Variants in ZNF528 observed in about 807,000 individuals in gnomAD.
The protein encoded by ZNF528 is zinc finger protein 528.
ZNF528 carries 9 observed loss-of-function variants against 13.3 expected under a neutral mutation model. The ratio of observed to expected loss-of-function variants is 0.67; its 90% CI spans 0.41 to 1.18. The LOEUF (loss-of-function observed/expected upper bound fraction) is 1.18. Ranked by LOEUF, ZNF528 falls within the 50% of genes most tolerant of loss-of-function variation. The pLI is 0.01. For missense variants in ZNF528, 858 were observed against 745.4 expected (o/e 1.15, Z -1.76); for synonymous variants, 264 against 254.3 (o/e 1.04, Z -0.36).
chr19:52,416,940 A>T lies in ZNF528; in HGVS notation c.*201A>T. ...ATGAATTGTGTGTACTTGGGCTATT[A>T]TTCAAGGACCATTGCTATAGAACAC... On this transcript the variant is annotated 3_prime_UTR_variant, in exon 7 of 7. Transcript: ENST00000360465. 3.5e-6 allele frequency: 2 copies of T among 566,092 alleles called. No homozygotes were observed. Among genetic ancestry groups the T allele is most frequent in the South Asian group, 5.4e-5 (2 of 36,702 alleles). 35.1% of individuals were successfully genotyped at this position (566,092 alleles called of 1,614,324 possible). A position where few individuals can be genotyped will look rare whatever the true frequency, so the allele number is the denominator to read the frequency against.
At chr19:52,398,940 G>A (rs1382385303) in intron 2 of ZNF528, among the ~76,000 whole-genome samples, 1 of 152,272 alleles carries the variant, frequency 6.6e-6, no homozygotes, top group African/African-American at 2.4e-5. Context: ...GAATTTAACA[G>A]GGAGACCCCA....
At chr19:52,412,676 C>T (rs1336507779) in intron 6 of ZNF528, 17 of 147,904 alleles carry the variant, frequency 1.1e-4, no homozygotes, top group Admixed American at 9.7e-4. Flanking sequence ...TTTGTTACAG[C>T]GAGGACAGAG....
At chr19:52,403,472 C>T (rs1348341316) in intron 4 of ZNF528, among the ~76,000 whole-genome samples, 1 of 151,924 alleles carries the variant, frequency 6.6e-6, no homozygotes, top group East Asian at 1.9e-4. Context: ...ACCAGCATGA[C>T]CAACATAGTG....
At chr19:52,401,094 A>G (rs891341242) in intron 2 of ZNF528, among the ~76,000 whole-genome samples, 10 of 151,982 alleles carry the variant, frequency 6.6e-5, no homozygotes, top group African/African-American at 1.9e-4. Context: ...GATCTCATCT[A>G]TGGTTTTAAA....
chr19:52,413,943 A>G, intron 6 of ZNF528: 1 of 395,344 alleles, frequency 2.5e-6, no homozygotes, highest in Non-Finnish European at 4.7e-6. Context: ...TGGGCCATGC[A>G]TCATAATCTC....
At chr19:52,414,090 C>T (rs367628992) in intron 6 of ZNF528, 30 of 627,218 alleles carry the variant, frequency 4.8e-5, no homozygotes, top group Non-Finnish European at 8.4e-5. Flanking sequence ...TTCCCGTTCG[C>T]AGTACTTTAG....
At chr19:52,403,687 TGA>T (rs1213346828) in intron 4 of ZNF528, among the ~76,000 whole-genome samples, 1 of 141,338 alleles carries the variant, frequency 7.1e-6, no homozygotes, top group Non-Finnish European at 1.5e-5. Flanking sequence ...AAAAAGTCAG[TGA>T]GAGACAACTT....
intron 4 of ZNF528, among the ~76,000 whole-genome samples, chr19:52,405,353 A>T (rs1041451950): frequency 4.6e-5 from 7 of 152,070 alleles, no homozygotes; most frequent in Admixed American, 2.6e-4. Context: ...CAACATGGTG[A>T]GACACCATAT....
chr19:52,415,505 G>A lies in ZNF528; in HGVS notation c.653G>A (p.Cys218Tyr), dbSNP rs199532990. ...GATAATCCTTACAAATGCAGTGAAT[G>A]TGGCAAGGTCTTTAGTTGCAGTTCA... Reference protein sequence around the residue: ...NADNPYKCSECGKVFSCSSKL... With the variant: ...NADNPYKCSEYGKVFSCSSKL... Residue 218 changes from cysteine (C) to tyrosine (Y), a missense_variant, in exon 7 of 7, where the codon TGT (cysteine) becomes TAT (tyrosine). By Grantham distance (194) the Cys-to-Tyr change is radical. Coordinates refer to ENST00000360465, the MANE Select transcript of ZNF528 (RefSeq NM_032423.3). The A allele has an allele frequency of 1.2e-6, 2 of 1,614,204 alleles. No homozygotes were observed. The highest frequency in any genetic ancestry group is 4.5e-5 in the East Asian group (2 of 44,878).
Position 52,414,397 on chromosome 19 carries a change from G to C in ZNF528, c.272-727G>C, listed in dbSNP as rs162121. On this transcript the variant is annotated intron_variant, in intron 6 of 6. Transcript: ENST00000360465. ...TATATTTGGAAGAAGGGGTCAGGGG[G>C]CTCCTTCTAGTGAACAAGGGCCCTG... 9.8e-3 allele frequency: 6,694 copies of C among 684,756 alleles called. 284 individuals are homozygous for C. In the African/African-American group the frequency reaches 0.099, roughly 10 times the overall value. The allele number at this position is 684,756 out of a possible 1,614,324, so 42.4% of individuals were successfully genotyped here. A position where few individuals can be genotyped will look rare whatever the true frequency, so the allele number is the denominator to read the frequency against.
chr19:52,405,884 C>T, intron 4 of ZNF528, 23 bp from the exon 5 acceptor site: 1 of 1,605,764 alleles, frequency 6.2e-7, no homozygotes, highest in Non-Finnish European at 8.5e-7. Flanking sequence ...TACCTTGTTG[C>T]TGAAATGTGG....
chr19:52,400,227 AAC>A (rs56136198), intron 2 of ZNF528, among the ~76,000 whole-genome samples: 80,112 of 144,456 alleles, frequency 0.55, 24,046 homozygotes, highest in Non-Finnish European at 0.69. Flanking sequence ...TGCCCATTAA[AAC>A]ACACACACAC....
At chr19:52,407,268 A>T (rs1176086283) in intron 6 of ZNF528, among the ~76,000 whole-genome samples, 3 of 151,880 alleles carry the variant, frequency 2.0e-5, no homozygotes, top group African/African-American at 4.8e-5. Context: ...CCTCCTGAAT[A>T]GCTGGGACTG....
intron 4 of ZNF528, among the ~76,000 whole-genome samples, 195 bp from the exon 5 acceptor site, chr19:52,405,712 G>A (rs2058847714): frequency 6.6e-6 from 1 of 152,052 alleles, no homozygotes; most frequent in African/African-American, 2.4e-5. Context: ...CTGATTTAAG[G>A]AATGTCTTAA....
At position 52,418,342 on chromosome 19, in the gene ZNF528, A is replaced by G. The variant is rs1358411039; in HGVS notation, c.*1603A>G. 1 of 152,186 alleles carries G rather than the reference A, an allele frequency of 6.6e-6. No homozygotes were observed. Among genetic ancestry groups the G allele is most frequent in the Non-Finnish European group, 1.5e-5 (1 of 68,030 alleles). The allele number at this position is 152,186 out of a possible 1,614,324, so 9.4% of individuals were successfully genotyped here. A position where few individuals can be genotyped will look rare whatever the true frequency, so the allele number is the denominator to read the frequency against. On this transcript the variant is annotated 3_prime_UTR_variant, in exon 7 of 7. Transcript: ENST00000360465. Reference sequence around the variant, plus strand: ...ATTCTTGGTATTATAAGTTGCAACCATTTGATTTAGAATGTATGCAGCTCT... The same window carrying G: ...ATTCTTGGTATTATAAGTTGCAACCGTTTGATTTAGAATGTATGCAGCTCT...
Position 52,402,140 on chromosome 19 carries a change from A to G in ZNF528, c.15+112A>G, listed in dbSNP as rs1044162554. The G allele has an allele frequency of 2.0e-6, 3 of 1,483,804 alleles. No individual in the cohort carries two copies. In the African/African-American group the frequency reaches 4.2e-5, roughly 21 times the overall value. The allele number at this position is 1,483,804 out of a possible 1,614,324, so 91.9% of individuals were successfully genotyped here. A position where few individuals can be genotyped will look rare whatever the true frequency, so the allele number is the denominator to read the frequency against. On this transcript the variant is annotated intron_variant, in intron 4 of 6. Coordinates refer to ENST00000360465, the MANE Select transcript of ZNF528 (RefSeq NM_032423.3). The stretch of plus-strand genomic sequence containing the variant: ...CATCCTGCCTGACACGTTTGCTTGC[A>G]CTTACCCATGGCTTCTTCCAGTCCC...
At chr19:52,407,865 AC>A (rs1375957504) in intron 6 of ZNF528, among the ~76,000 whole-genome samples, 2 of 151,838 alleles carry the variant, frequency 1.3e-5, no homozygotes, top group Non-Finnish European at 2.9e-5. Context: ...GACATGCACC[AC>A]CACGCCTGGC....
chr19:52,409,321 C>T (rs1397288380), intron 6 of ZNF528, among the ~76,000 whole-genome samples: 5 of 143,578 alleles, frequency 3.5e-5, no homozygotes, highest in Admixed American at 1.4e-4. Flanking sequence ...TTTTTTGAGA[C>T]GGAGTTTCAC....
At chr19:52,414,252 T>C (rs534016474) in intron 6 of ZNF528, 40 of 702,436 alleles carry the variant, frequency 5.7e-5, no homozygotes, top group Non-Finnish European at 1.0e-4. Flanking sequence ...CAAAGTCCTA[T>C]GTTCGGAGGC....
Sources: allele counts gnomAD v4.1 joint callset (sites outside exome capture counted in the v4.1 genomes callset), GRCh38; gene constraint gnomAD v4.1.1; transcripts MANE v1.5; gene names NCBI Gene and HGNC (gene_info 2026-07-23, HGNC 2026-07-21).